The following HACD2 variants were observed in gnomAD, a reference collection of about 807,000 sequenced individuals.
The protein encoded by HACD2 is 3-hydroxyacyl-CoA dehydratase 2, also known as very-long-chain (3R)-3-hydroxyacyl-CoA dehydratase 2.
A neutral mutation model predicts 31.0 loss-of-function variants in HACD2; 15 were observed. That is an observed-to-expected ratio of 0.48 (90% CI 0.32 to 0.75). The LOEUF is 0.75. HACD2 is among the 30% of genes least tolerant of loss of function. HACD2 has a pLI of 0.03. For missense variants in HACD2, 283 were observed against 313.0 expected (o/e 0.90, Z 0.72); for synonymous variants, 115 against 122.2 (o/e 0.94, Z 0.39).
intron 3 of HACD2, among the ~76,000 whole-genome samples, chr3:123,530,727 GT>G (rs1382489572): frequency 1.3e-5 from 2 of 151,610 alleles, no homozygotes; most frequent in Non-Finnish European, 2.9e-5. Context: ...ATTTTTTAAA[GT>G]TTTTGTAGAG....
intron 4 of HACD2, among the ~76,000 whole-genome samples, chr3:123,509,595 T>A (rs2056026069): frequency 6.7e-6 from 1 of 150,132 alleles, no homozygotes; most frequent in South Asian, 2.1e-4. Context: ...GCTTCCCGGG[T>A]TCACGCCATT....
intron 4 of HACD2, among the ~76,000 whole-genome samples, chr3:123,520,280 T>C (rs577356800): frequency 1.3e-5 from 2 of 152,352 alleles, no homozygotes; most frequent in Non-Finnish European, 2.9e-5. Context: ...AATTTTCTTT[T>C]GTTCCTTTAA....
chr3:123,542,146 C>CAAGAA (rs2056499637), intron 3 of HACD2, among the ~76,000 whole-genome samples: 2 of 41,094 alleles, frequency 4.9e-5, no homozygotes, highest in African/African-American at 3.4e-4. Context: ...GACTCCGTCT[C>CAAGAA]AAAAAAAAAA....
chr3:123,505,668 C>G (rs1360680514), intron 4 of HACD2, among the ~76,000 whole-genome samples: 2 of 152,170 alleles, frequency 1.3e-5, no homozygotes, highest in Non-Finnish European at 2.9e-5. Flanking sequence ...AGTCTTATCC[C>G]AATTACTACA....
intron 3 of HACD2, among the ~76,000 whole-genome samples, chr3:123,562,318 T>C (rs1013707528): frequency 2.6e-5 from 4 of 152,166 alleles, no homozygotes; most frequent in Non-Finnish European, 5.9e-5. Context: ...TGGATTTTAG[T>C]TGATTGTTTC....
intron 3 of HACD2, among the ~76,000 whole-genome samples, chr3:123,553,848 C>G (rs1002227975): frequency 2.0e-5 from 3 of 151,922 alleles, no homozygotes; most frequent in African/African-American, 7.3e-5. Context: ...CTGTCAGGAT[C>G]CATGAAATGC....
At chr3:123,512,304 T>TA (rs559075587) in intron 4 of HACD2, among the ~76,000 whole-genome samples, 6 of 151,954 alleles carry the variant, frequency 3.9e-5, no homozygotes, top group Non-Finnish European at 5.9e-5. Flanking sequence ...ACACAAATAT[T>TA]AAAAAAAGAA....
At chr3:123,516,375 C>T (rs1442142136) in intron 4 of HACD2, among the ~76,000 whole-genome samples, 1 of 151,998 alleles carries the variant, frequency 6.6e-6, no homozygotes, top group Non-Finnish European at 1.5e-5. Flanking sequence ...GCTGGGATTA[C>T]AGGCGCCCGC....
At chr3:123,544,964 C>G (rs2056539201) in intron 3 of HACD2, among the ~76,000 whole-genome samples, 1 of 142,530 alleles carries the variant, frequency 7.0e-6, no homozygotes, top group South Asian at 2.2e-4. Context: ...GTCCCAGCTA[C>G]TCGGGAGGCT....
In HACD2 at chr3:123,528,407, T is replaced by C. The variant is rs921117650; in HGVS notation, c.360A>G (p.Ala120=). Residue 120 remains alanine (A), a synonymous_variant, in exon 4 of 7, where the codon GCA becomes GCG. Transcript: ENST00000383657. ...TTACCTCTTTGACGCTATGTGTTAC[T>C]GCCCATATTAGAAAAACTCTTGACA... ...QVMSRVFLIW[A]VTHSVKEVQS... is the part of the protein sequence containing the mutation. The C allele has an allele frequency of 1.9e-6, 3 of 1,609,938 alleles. No individual in the cohort carries two copies. In the African/African-American group the frequency reaches 4.0e-5, roughly 22 times the overall value.
chr3:123,497,084 C>T (rs1427183515), intron 6 of HACD2, among the ~76,000 whole-genome samples: 1 of 152,236 alleles, frequency 6.6e-6, no homozygotes, highest in East Asian at 1.9e-4. Context: ...CTGGCCTATT[C>T]TCCACAGTTC....
At chr3:123,573,666 T>C (rs2056878152) in intron 2 of HACD2, among the ~76,000 whole-genome samples, 1 of 152,158 alleles carries the variant, frequency 6.6e-6, no homozygotes, top group African/African-American at 2.4e-5. Flanking sequence ...TTTAGGATCC[T>C]TATGTAACTC....
chr3:123,561,828 T>G (rs930664150), intron 3 of HACD2, among the ~76,000 whole-genome samples: 5 of 152,210 alleles, frequency 3.3e-5, no homozygotes, highest in African/African-American at 1.2e-4. Flanking sequence ...TGTTTATTTT[T>G]TGAGACGGGG....
At chr3:123,524,797 T>C (rs542703848) in intron 4 of HACD2, among the ~76,000 whole-genome samples, 338 of 152,154 alleles carry the variant, frequency 2.2e-3, no homozygotes, top group African/African-American at 7.4e-3. Flanking sequence ...ACCATCATGT[T>C]TTTAAAGGGT....
intron 2 of HACD2, among the ~76,000 whole-genome samples, chr3:123,573,242 A>G (rs904731030): frequency 1.3e-5 from 2 of 152,210 alleles, no homozygotes; most frequent in African/African-American, 2.4e-5. Context: ...CAAAATGTTA[A>G]CAGTGGTTAT....
rs1311328299 is a variant in HACD2, at chr3:123,492,028, A to G, written c.*2860T>C. On this transcript the variant is annotated 3_prime_UTR_variant, in exon 7 of 7. Coordinates refer to ENST00000383657, the MANE Select transcript of HACD2 (RefSeq NM_198402.5). ...ACCTCTTCAACTCTCCAGCATCTAA[A>G]CCTTTCCTGTCAGAAGTCTGCTCTG... The G allele has an allele frequency of 6.6e-6, 1 of 152,122 alleles. No homozygotes were observed. Among genetic ancestry groups the G allele is most frequent in the Non-Finnish European group, 1.5e-5 (1 of 68,030 alleles). 9.4% of individuals were successfully genotyped at this position (152,122 alleles called of 1,614,324 possible).
rs540844733 is a variant in HACD2, at chr3:123,569,870, T to A, written c.274-2090A>T. Among the ~76,000 whole-genome samples, 4 of 151,650 alleles carry A rather than the reference T, an allele frequency of 2.6e-5. No individual in the cohort carries two copies. In the South Asian group the frequency reaches 8.4e-4, roughly 32 times the overall value. On this transcript the variant is annotated intron_variant, in intron 2 of 6. Coordinates refer to ENST00000383657, the MANE Select transcript of HACD2 (RefSeq NM_198402.5). Reference sequence around the variant, plus strand: ...TGGGCATAGTGGCGCATGCCTGTAGTCTCGGCTACTCAGAAGGCTGAGGCA... The same window carrying A: ...TGGGCATAGTGGCGCATGCCTGTAGACTCGGCTACTCAGAAGGCTGAGGCA...
At chr3:123,542,475 T>C (rs1394388686) in intron 3 of HACD2, among the ~76,000 whole-genome samples, 1 of 152,230 alleles carries the variant, frequency 6.6e-6, no homozygotes, top group Non-Finnish European at 1.5e-5. Context: ...TCTGGTAATA[T>C]TATTTAAGAG....
At chr3:123,531,316 GT>G in intron 3 of HACD2, among the ~76,000 whole-genome samples, 1 of 105,474 alleles carries the variant, frequency 9.5e-6, no homozygotes, top group Non-Finnish European at 2.6e-5. Flanking sequence ...AATTAACAGT[GT>G]TTTTCTTTTC....
Sources: allele counts gnomAD v4.1 joint callset (sites outside exome capture counted in the v4.1 genomes callset), GRCh38; gene constraint gnomAD v4.1.1; transcripts MANE v1.5; gene names NCBI Gene and HGNC (gene_info 2026-07-23, HGNC 2026-07-21).